The following TENM2 variants were observed in gnomAD, a reference collection of about 807,000 sequenced individuals.
TENM2 encodes teneurin transmembrane protein 2, also known as teneurin-2.
In TENM2, 52 loss-of-function variants were observed where a neutral mutation model predicts 245.2. The ratio of observed to expected loss-of-function variants is 0.21; its 90% CI spans 0.17 to 0.27. The LOEUF (loss-of-function observed/expected upper bound fraction) is 0.27, where lower values mean the gene tolerates loss of function less well. Among genes scored for constraint, TENM2 ranks in the 10% least tolerant of loss-of-function variants. TENM2 has a pLI of 1.00. For missense variants in TENM2, 3,046 were observed against 3,666.8 expected (o/e 0.83, Z 4.37); for synonymous variants, 1,363 against 1,438.9 (o/e 0.95, Z 1.19).
intron 12 of TENM2, among the ~76,000 whole-genome samples, chr5:168,139,770 G>A (rs1034820090): frequency 1.3e-5 from 2 of 152,196 alleles, no homozygotes; most frequent in African/African-American, 2.4e-5. Flanking sequence ...AAACTGGAAA[G>A]TGAATGTCCC....
At chr5:167,486,315 C>A (rs1582178097) in intron 2 of TENM2, among the ~76,000 whole-genome samples, 6 of 150,036 alleles carry the variant, frequency 4.0e-5, no homozygotes, top group Admixed American at 4.0e-4. Context: ...TTTGCCATTT[C>A]TTTTTCTTTT....
At chr5:167,019,750 G>A in the TENM2 span, among the ~76,000 whole-genome samples, 2 of 152,042 alleles carry the variant, frequency 1.3e-5, no homozygotes, top group East Asian at 3.9e-4. Context: ...AATTACAGAC[G>A]TGAGCCACCG....
the TENM2 span, among the ~76,000 whole-genome samples, chr5:167,090,873 A>G: frequency 9.8e-6 from 1 of 102,020 alleles, no homozygotes; most frequent in Non-Finnish European, 1.9e-5. Flanking sequence ...CATTTGTGCT[A>G]AAACTGTTTG....
intron 2 of TENM2, among the ~76,000 whole-genome samples, chr5:167,840,930 TGACAGA>T (rs1042856309): frequency 1.2e-4 from 18 of 152,336 alleles, no homozygotes; most frequent in African/African-American, 3.4e-4. Flanking sequence ...TTAATGCTGC[TGACAGA>T]GACCTTGCAA....
chr5:167,454,161 C>T (rs927582792), intron 2 of TENM2, among the ~76,000 whole-genome samples: 12 of 151,996 alleles, frequency 7.9e-5, no homozygotes, highest in African/African-American at 2.9e-4. Context: ...TAGCACAATG[C>T]CCTTGAATCA....
chr5:167,606,647 A>T lies in TENM2; in HGVS notation c.502+231174A>T, dbSNP rs188782968. Among the ~76,000 whole-genome samples the T allele has an allele frequency of 5.9e-5, 9 of 152,262 alleles. No homozygotes were observed. In the East Asian group the frequency reaches 1.7e-3, roughly 29 times the overall value. On this transcript the variant is annotated intron_variant, in intron 2 of 28. Transcript: ENST00000518659. ...CCAACCCCGACTACACATTAGAGTC[A>T]TTTGGGAACTTTTAATAATATACTG...
intron 5 of TENM2, among the ~76,000 whole-genome samples, chr5:168,002,902 A>T (rs1251821898): frequency 6.6e-6 from 1 of 152,116 alleles, no homozygotes; most frequent in Non-Finnish European, 1.5e-5. Flanking sequence ...TATCCAGGAT[A>T]TTTTTACTTG....
chr5:168,053,005 C>T (rs987326735), intron 6 of TENM2, among the ~76,000 whole-genome samples: 40 of 152,246 alleles, frequency 2.6e-4, no homozygotes, highest in East Asian at 1.2e-3. Context: ...TAAATTCTTC[C>T]GCTGGCTCTC....
chr5:167,652,554 T>C (rs1754548565), intron 2 of TENM2, among the ~76,000 whole-genome samples: 1 of 151,146 alleles, frequency 6.6e-6, no homozygotes, highest in Non-Finnish European at 1.5e-5. Flanking sequence ...GGTCAGTATG[T>C]CAAAGCTGGA....
chr5:167,958,295 C>A (rs1332330423), intron 4 of TENM2, among the ~76,000 whole-genome samples: 1 of 152,022 alleles, frequency 6.6e-6, no homozygotes. Flanking sequence ...AGGATTGCAA[C>A]CTTTGCTTTT....
chr5:168,109,095 G>A (rs1794474850), intron 9 of TENM2, among the ~76,000 whole-genome samples: 1 of 152,132 alleles, frequency 6.6e-6, no homozygotes, highest in African/African-American at 2.4e-5. Flanking sequence ...GACAGGCCAT[G>A]GACCATGACT....
At chr5:167,431,608 A>T (rs554444654) in intron 2 of TENM2, among the ~76,000 whole-genome samples, 1 of 152,026 alleles carries the variant, frequency 6.6e-6, no homozygotes, top group Admixed American at 6.6e-5. Context: ...AATAGATTGC[A>T]TTCAATCTTG....
chr5:168,257,772 C>A (rs1230197076), intron 27 of TENM2, among the ~76,000 whole-genome samples: 5 of 152,160 alleles, frequency 3.3e-5, no homozygotes, highest in African/African-American at 1.2e-4. Flanking sequence ...CCCGCCACCA[C>A]GCCCAGCTAA....
intron 1 of TENM2, among the ~76,000 whole-genome samples, chr5:167,289,080 C>G (rs528123306): frequency 2.0e-5 from 3 of 152,172 alleles, no homozygotes; most frequent in Non-Finnish European, 4.4e-5. Context: ...CACAATCATT[C>G]CTGACTCTCC....
chr5:167,483,662 C>A (rs550259657), intron 2 of TENM2, among the ~76,000 whole-genome samples: 1 of 152,142 alleles, frequency 6.6e-6, no homozygotes, highest in South Asian at 2.1e-4. Context: ...TGAGTACATT[C>A]TTTTTCTTCT....
At chr5:167,414,215 GTT>G (rs1486230170) in intron 2 of TENM2, among the ~76,000 whole-genome samples, 1 of 152,048 alleles carries the variant, frequency 6.6e-6, no homozygotes, top group African/African-American at 2.4e-5. Context: ...TTTACTGTAA[GTT>G]TTCTGATAAA....
intron 2 of TENM2, among the ~76,000 whole-genome samples, chr5:167,656,664 T>C (rs1754862725): frequency 6.6e-6 from 1 of 152,158 alleles, no homozygotes; most frequent in African/African-American, 2.4e-5. Context: ...ACTTATTAAA[T>C]ATATGCGTTT....
At chr5:167,361,005 C>T (rs146387289) in intron 1 of TENM2, among the ~76,000 whole-genome samples, 46 of 152,232 alleles carry the variant, frequency 3.0e-4, no homozygotes, top group African/African-American at 1.1e-3. Flanking sequence ...ACTTTTGCTC[C>T]ATAACTTTAG....
chr5:168,065,022 T>C (rs12516701), intron 7 of TENM2, among the ~76,000 whole-genome samples: 2,252 of 152,304 alleles, frequency 0.015, 172 homozygotes, highest in Admixed American at 0.13. Context: ...TATTATAGAA[T>C]TTCTCATTTT....
Sources: allele counts gnomAD v4.1 joint callset (sites outside exome capture counted in the v4.1 genomes callset), GRCh38; gene constraint gnomAD v4.1.1; transcripts MANE v1.5; gene names NCBI Gene and HGNC (gene_info 2026-07-23, HGNC 2026-07-21).